Variants in KIF16B observed in about 807,000 individuals in gnomAD.
KIF16B encodes kinesin-like protein KIF16B.
Under a neutral mutation model 156.3 loss-of-function variants are expected in KIF16B, and 98 were observed. The ratio of observed to expected loss-of-function variants is 0.63; its 90% CI spans 0.53 to 0.74. The LOEUF (loss-of-function observed/expected upper bound fraction) is 0.74. Ranked by LOEUF, KIF16B falls within the 30% of genes least tolerant of loss-of-function variation. KIF16B has a pLI of 0.00. For missense variants in KIF16B, 1,421 were observed against 1,606.5 expected (o/e 0.88, Z 1.97); for synonymous variants, 564 against 583.7 (o/e 0.97, Z 0.49).
At chr20:16,543,146 C>T (rs192826284) in intron 1 of KIF16B, among the ~76,000 whole-genome samples, 6 of 152,292 alleles carry the variant, frequency 3.9e-5, no homozygotes, top group South Asian at 2.1e-4. Context: ...GGGACCACTG[C>T]GCTAGTTTAT....
intron 25 of KIF16B, among the ~76,000 whole-genome samples, chr20:16,309,897 T>C (rs768463380): frequency 3.3e-5 from 5 of 152,202 alleles, no homozygotes; most frequent in Non-Finnish European, 7.3e-5. Flanking sequence ...ATCTCATTTG[T>C]CTTTGTATTC....
At chr20:16,290,455 C>T (rs1288024793) in intron 25 of KIF16B, among the ~76,000 whole-genome samples, 3 of 152,278 alleles carry the variant, frequency 2.0e-5, no homozygotes, top group Middle Eastern at 3.4e-3. Flanking sequence ...ATTCAGCTGG[C>T]CTTGGCGGGC....
chr20:16,424,467 T>C (rs1442884124), intron 15 of KIF16B, among the ~76,000 whole-genome samples: 3 of 152,280 alleles, frequency 2.0e-5, no homozygotes, highest in Middle Eastern at 6.8e-3. Flanking sequence ...ATAAACTACA[T>C]GCTTTCCAGC....
intron 1 of KIF16B, among the ~76,000 whole-genome samples, chr20:16,538,173 C>T (rs773786240): frequency 1.6e-4 from 24 of 152,132 alleles, no homozygotes; most frequent in Non-Finnish European, 2.9e-4. Flanking sequence ...CTCAGAGAAG[C>T]CCAGCTTCCT....
intron 23 of KIF16B, among the ~76,000 whole-genome samples, chr20:16,344,475 C>G (rs992035489): frequency 4.6e-5 from 7 of 152,188 alleles, no homozygotes; most frequent in African/African-American, 7.2e-5. Context: ...TCGTGGTCTC[C>G]TAGCTTATCT....
intron 3 of KIF16B, among the ~76,000 whole-genome samples, chr20:16,521,134 A>G (rs1161837975): frequency 6.6e-6 from 1 of 152,060 alleles, no homozygotes; most frequent in Admixed American, 6.6e-5. Flanking sequence ...ACAACTCCTC[A>G]CCAGCAAGGG....
intron 1 of KIF16B, among the ~76,000 whole-genome samples, chr20:16,528,697 C>T (rs2069639581): frequency 6.6e-6 from 1 of 151,858 alleles, no homozygotes; most frequent in South Asian, 2.1e-4. Context: ...AATTGTAAGC[C>T]AAAAGAAGAG....
chr20:16,423,325 GAAC>G (rs1357884741), intron 15 of KIF16B, among the ~76,000 whole-genome samples: 2 of 151,866 alleles, frequency 1.3e-5, no homozygotes, highest in African/African-American at 4.8e-5. Flanking sequence ...AAAACACAAA[GAAC>G]AACAGATTAA....
chr20:16,375,194 G>A (rs959673320), intron 19 of KIF16B, among the ~76,000 whole-genome samples: 16 of 152,256 alleles, frequency 1.1e-4, no homozygotes, highest in African/African-American at 3.9e-4. Context: ...AACCTTGCCA[G>A]TGAATTTGGC....
At chr20:16,495,286 T>C (rs1267004948) in intron 11 of KIF16B, among the ~76,000 whole-genome samples, 3 of 152,166 alleles carry the variant, frequency 2.0e-5, no homozygotes, top group Non-Finnish European at 2.9e-5. Context: ...AGTTTCCCTA[T>C]TTAATCAGGC....
chr20:16,299,606 A>T (rs537132603), intron 25 of KIF16B, among the ~76,000 whole-genome samples: 9 of 152,362 alleles, frequency 5.9e-5, no homozygotes, highest in Admixed American at 4.6e-4. Flanking sequence ...GAATTGCCAC[A>T]GAAGGTCACT....
At chr20:16,353,923 T>A (rs918860161) in intron 23 of KIF16B, among the ~76,000 whole-genome samples, 1 of 152,184 alleles carries the variant, frequency 6.6e-6, no homozygotes, top group Non-Finnish European at 1.5e-5. Context: ...GTGCTCATAA[T>A]TATAGCACCT....
chr20:16,288,815 T>C (rs1327739261), intron 25 of KIF16B, among the ~76,000 whole-genome samples: 1 of 150,746 alleles, frequency 6.6e-6, no homozygotes, highest in Non-Finnish European at 1.5e-5. Context: ...TATGTACTGG[T>C]GATAAGGTTA....
intron 15 of KIF16B, among the ~76,000 whole-genome samples, chr20:16,412,474 G>C (rs888483171): frequency 5.9e-5 from 9 of 152,106 alleles, no homozygotes; most frequent in South Asian, 4.1e-4. Flanking sequence ...ACCCAAGACT[G>C]GGTAATTTAT....
At chr20:16,357,985 C>T (rs1293744427) in intron 22 of KIF16B, among the ~76,000 whole-genome samples, 4 of 152,088 alleles carry the variant, frequency 2.6e-5, no homozygotes, top group East Asian at 1.9e-4. Context: ...GTCAGGAGAT[C>T]GAGACCATCC....
intron 12 of KIF16B, among the ~76,000 whole-genome samples, chr20:16,471,389 G>A (rs1388837420): frequency 1.3e-5 from 2 of 152,126 alleles, no homozygotes; most frequent in African/African-American, 4.8e-5. Context: ...AGCAATATAA[G>A]GGGTTCTGCC....
chr20:16,463,951 T>G, intron 12 of KIF16B, among the ~76,000 whole-genome samples: 1 of 152,186 alleles, frequency 6.6e-6, no homozygotes, highest in Non-Finnish European at 1.5e-5. Flanking sequence ...TTCAATCTCC[T>G]CAACTCTTCT....
At chr20:16,566,289 T>C (rs1334517297) in intron 1 of KIF16B, among the ~76,000 whole-genome samples, 3 of 152,216 alleles carry the variant, frequency 2.0e-5, no homozygotes, top group Non-Finnish European at 2.9e-5. Context: ...CAGACAGACA[T>C]CTTGAACCTC....
intron 1 of KIF16B, among the ~76,000 whole-genome samples, chr20:16,558,897 CAA>C (rs11478258): frequency 0.053 from 3,325 of 62,466 alleles, 146 homozygotes; most frequent in African/African-American, 0.19. Context: ...GAGCAAGACT[CAA>C]AAAAAAAAAA....
Sources: gnomAD v4.1 joint callset for allele counts (sites outside exome capture counted in the v4.1 genomes callset) on GRCh38, gnomAD v4.1.1 for gene constraint, MANE v1.5 for transcripts, NCBI Gene and HGNC (gene_info 2026-07-23, HGNC 2026-07-21) for gene names.